Variants in TRPC4 observed in about 807,000 individuals in gnomAD.
The protein encoded by TRPC4 is short transient receptor potential channel 4.
A neutral mutation model predicts 99.4 loss-of-function variants in TRPC4; 49 were observed. The ratio of observed to expected loss-of-function variants is 0.49; its 90% CI spans 0.39 to 0.63. TRPC4 has a LOEUF of 0.63. Ranked by LOEUF, TRPC4 falls within the 20% of genes least tolerant of loss-of-function variation. The pLI is 0.00. For synonymous variants in TRPC4, 454 were observed against 425.9 expected (o/e 1.07, Z -0.81); for missense variants, 898 against 1,152.9 (o/e 0.78, Z 3.20).
intron 1 of TRPC4, among the ~76,000 whole-genome samples, chr13:37,839,205 C>T (rs982648399): frequency 3.3e-5 from 5 of 152,182 alleles, no homozygotes; most frequent in Non-Finnish European, 7.3e-5. Context: ...TAGCTATTCG[C>T]ATTCCCTCCT....
intron 1 of TRPC4, among the ~76,000 whole-genome samples, chr13:37,824,505 G>T (rs1182813435): frequency 6.6e-6 from 1 of 151,996 alleles, no homozygotes; most frequent in African/African-American, 2.4e-5. Context: ...TTTGTCAAAG[G>T]CCTTTTCTGA....
intron 3 of TRPC4, among the ~76,000 whole-genome samples, chr13:37,735,968 GAC>G (rs1229215540): frequency 6.6e-6 from 1 of 152,026 alleles, no homozygotes; most frequent in African/African-American, 2.4e-5. Flanking sequence ...CGATGTTTTG[GAC>G]ACACACAATT....
At chr13:37,787,550 A>G (rs781306493) in intron 1 of TRPC4, among the ~76,000 whole-genome samples, 1 of 152,102 alleles carries the variant, frequency 6.6e-6, no homozygotes, top group African/African-American at 2.4e-5. Context: ...GAAACAATAC[A>G]TACGTTTCAG....
chr13:37,785,486 T>A (rs1457076160), intron 1 of TRPC4, among the ~76,000 whole-genome samples: 1 of 152,138 alleles, frequency 6.6e-6, no homozygotes, highest in African/African-American at 2.4e-5. Flanking sequence ...GAAAAATACA[T>A]GAATTTTTAT....
intron 1 of TRPC4, among the ~76,000 whole-genome samples, chr13:37,795,502 T>C (rs1031949689): frequency 1.3e-5 from 2 of 152,118 alleles, no homozygotes; most frequent in Admixed American, 6.6e-5. Context: ...GCAAGCTCTA[T>C]CAGGGGGGTA....
chr13:37,692,376 T>C (rs377273867), intron 3 of TRPC4, 41 bp from the exon 4 acceptor site: 2 of 1,537,352 alleles, frequency 1.3e-6, no homozygotes, highest in African/African-American at 2.7e-5. Flanking sequence ...AAGTCACAGT[T>C]ACATGGAGTG....
chr13:37,836,713 G>A (rs1410427531), intron 1 of TRPC4, among the ~76,000 whole-genome samples: 1 of 152,206 alleles, frequency 6.6e-6, no homozygotes, highest in Admixed American at 6.5e-5. Context: ...TGGAAAATGT[G>A]TAGCCTGACA....
intron 6 of TRPC4, among the ~76,000 whole-genome samples, chr13:37,661,239 T>C (rs1463868995): frequency 6.6e-6 from 1 of 152,222 alleles, no homozygotes; most frequent in Non-Finnish European, 1.5e-5. Flanking sequence ...AAAATTTATA[T>C]TAAGCATTTT....
At chr13:37,781,087 C>T (rs1956827200) in intron 2 of TRPC4, among the ~76,000 whole-genome samples, 1 of 151,954 alleles carries the variant, frequency 6.6e-6, no homozygotes, top group African/African-American at 2.4e-5. Flanking sequence ...GAACATCTTC[C>T]AACAAACACT....
At chr13:37,694,720 G>A (rs552043204) in intron 3 of TRPC4, among the ~76,000 whole-genome samples, 6 of 152,050 alleles carry the variant, frequency 3.9e-5, no homozygotes, top group South Asian at 2.1e-4. Context: ...GTAATTTTAC[G>A]TTAAACACAG....
chr13:37,638,908 A>G, intron 10 of TRPC4, 132 bp downstream of exon 10: 1 of 843,916 alleles, frequency 1.2e-6, no homozygotes, highest in Non-Finnish European at 1.9e-6. Flanking sequence ...GTAGGGTTTC[A>G]GCTGAAAAAT....
At chr13:37,858,943 T>C (rs995334675) in intron 1 of TRPC4, among the ~76,000 whole-genome samples, 2 of 151,418 alleles carry the variant, frequency 1.3e-5, no homozygotes, top group African/African-American at 4.8e-5. Context: ...AAATGGATGG[T>C]TTGTAACATA....
Position 37,731,244 on chromosome 13 carries a change from T to C in TRPC4, c.897+14693A>G, listed in dbSNP as rs559069611. ...CCCAATCTCCTTGGATGACAGACTT[T>C]CTTACATATTCATTCATTGTCTTTT... On this transcript the variant is annotated intron_variant, in intron 3 of 10. Transcript: ENST00000379705. Among the ~76,000 whole-genome samples, 37 of 152,168 alleles carry C rather than the reference T, an allele frequency of 2.4e-4. 1 individual carries two copies. In the South Asian group the frequency reaches 7.5e-3, roughly 31 times the overall value.
rs3086254 is a variant in TRPC4, at chr13:37,821,190, CCACACACACA to C, written c.-27-37840_-27-37831del. Among the ~76,000 whole-genome samples, 35 of 136,010 alleles carry C rather than the reference CCACACACACA, an allele frequency of 2.6e-4. 1 individual carries two copies. Among genetic ancestry groups the C allele is most frequent in the South Asian group, 7.5e-4 (3 of 4,022 alleles). The allele number at this position is 136,010 out of a possible 152,430, so 89.2% of individuals were successfully genotyped here. On this transcript the variant is annotated intron_variant, in intron 1 of 10. Transcript: ENST00000379705. Reference sequence around the variant, plus strand: ...ATGAATGAAATCACATTCACAATAGCCACACACACACACACACACACACACACACACACAC... The same window carrying C: ...ATGAATGAAATCACATTCACAATAGCCACACACACACACACACACACACAC...
At chr13:37,788,948 C>T (rs1957040836) in intron 1 of TRPC4, among the ~76,000 whole-genome samples, 1 of 151,998 alleles carries the variant, frequency 6.6e-6, no homozygotes, top group African/African-American at 2.4e-5. Context: ...CAGTAGCATT[C>T]CCTCACTAAA....
chr13:37,749,019 C>A (rs1373260553), intron 2 of TRPC4, among the ~76,000 whole-genome samples: 4 of 152,094 alleles, frequency 2.6e-5, no homozygotes, highest in Non-Finnish European at 5.9e-5. Flanking sequence ...TGGTGAGCAG[C>A]GACTGGATCA....
intron 3 of TRPC4, among the ~76,000 whole-genome samples, chr13:37,721,834 G>T (rs982555141): frequency 4.6e-5 from 7 of 151,472 alleles, no homozygotes; most frequent in Non-Finnish European, 8.8e-5. Flanking sequence ...ATGGAGTTTC[G>T]CTATGCTACT....
At chr13:37,689,976 A>G (rs1953628206) in intron 4 of TRPC4, among the ~76,000 whole-genome samples, 1 of 152,186 alleles carries the variant, frequency 6.6e-6, no homozygotes, top group African/African-American at 2.4e-5. Context: ...TGATGGTATC[A>G]AGGAAAGATT....
chr13:37,683,854 G>T (rs532346874), intron 4 of TRPC4, among the ~76,000 whole-genome samples: 4 of 152,202 alleles, frequency 2.6e-5, no homozygotes, highest in African/African-American at 9.6e-5. Context: ...ATTGGGAAGA[G>T]AAGATCTTTA....
Sources: gnomAD v4.1 joint callset for allele counts (sites outside exome capture counted in the v4.1 genomes callset) on GRCh38, gnomAD v4.1.1 for gene constraint, MANE v1.5 for transcripts, NCBI Gene and HGNC (gene_info 2026-07-23, HGNC 2026-07-21) for gene names.